MARCHF10: variants seen among roughly 807,000 people sequenced by gnomAD.
MARCHF10 encodes membrane associated ring-CH-type finger 10.
In MARCHF10, 64 loss-of-function variants were observed where a neutral mutation model predicts 76.2. That is an observed-to-expected ratio of 0.84 (90% CI 0.69 to 1.03). The LOEUF (loss-of-function observed/expected upper bound fraction) is 1.03, where lower values mean the gene tolerates loss of function less well. MARCHF10 is among the 50% of genes least tolerant of loss of function. MARCHF10 has a pLI of 0.00. For missense variants in MARCHF10, 875 were observed against 958.0 expected (o/e 0.91, Z 1.14); for synonymous variants, 340 against 357.5 (o/e 0.95, Z 0.55).
At chr17:62,804,819 CAT>C (rs1491269795) in intron 1 of MARCHF10, 5 of 152,158 alleles carry the variant, frequency 3.3e-5, no homozygotes, top group Non-Finnish European at 4.4e-5. Context: ...CACACACACA[CAT>C]ATTTTTTACA....
intron 6 of MARCHF10, among the ~76,000 whole-genome samples, chr17:62,728,576 G>A (rs986182489): frequency 2.0e-4 from 31 of 152,126 alleles, no homozygotes; most frequent in African/African-American, 7.5e-4. Flanking sequence ...GAAATGAATT[G>A]TTTAACGAAG....
chr17:62,739,934 T>G (rs1456733824), intron 5 of MARCHF10, among the ~76,000 whole-genome samples: 1 of 152,070 alleles, frequency 6.6e-6, no homozygotes, highest in African/African-American at 2.4e-5. Flanking sequence ...ACAGAAGAAG[T>G]CCCAGGGTAT....
intron 8 of MARCHF10, among the ~76,000 whole-genome samples, chr17:62,721,353 A>C (rs1469988149): frequency 7.1e-6 from 1 of 140,750 alleles, no homozygotes. Flanking sequence ...ATTAGGTGAT[A>C]TATTACCCCC....
intron 10 of MARCHF10, chr17:62,705,128 CT>C (rs2089496392): frequency 8.8e-7 from 1 of 1,137,714 alleles, no homozygotes; most frequent in African/African-American, 1.7e-5. Context: ...AATGTGGTCC[CT>C]TCAGGTAAGG....
chr17:62,745,215 T>C (rs568221040), intron 4 of MARCHF10, among the ~76,000 whole-genome samples: 1 of 151,252 alleles, frequency 6.6e-6, no homozygotes, highest in Non-Finnish European at 1.5e-5. Context: ...GCGATTCTCC[T>C]GCCTCAGCCT....
In MARCHF10 at chr17:62,711,374, C is replaced by A; in HGVS notation, c.2215-30G>T. On this transcript the variant is annotated intron_variant, in intron 8 of 10. Transcript: ENST00000311269. The surrounding 1 kb of genome is among the most constrained non-coding windows in gnomAD (Gnocchi z 4.4). ...AAATGGAAAAGAAAGCTCTTCAGTT[C>A]ATCTGTAAAATAGTCATGGTCTAAA... 6.3e-7 allele frequency: 1 copy of A among 1,598,714 alleles called. No homozygotes were observed. Among genetic ancestry groups the A allele is most frequent in the Non-Finnish European group, 8.6e-7 (1 of 1,166,206 alleles).
intron 1 of MARCHF10, among the ~76,000 whole-genome samples, chr17:62,805,831 G>C (rs1375083998): frequency 6.6e-6 from 1 of 151,890 alleles, no homozygotes; most frequent in African/African-American, 2.4e-5. Flanking sequence ...AGAATCACTT[G>C]AACCTGGAAG....
chr17:62,719,626 TG>T (rs1173573037), intron 8 of MARCHF10, among the ~76,000 whole-genome samples: 1 of 152,168 alleles, frequency 6.6e-6, no homozygotes, highest in Non-Finnish European at 1.5e-5. Context: ...GTTTTTTGTT[TG>T]TTTTGTTTTG....
chr17:62,753,575 C>A (rs2091958619), intron 4 of MARCHF10, among the ~76,000 whole-genome samples: 1 of 152,194 alleles, frequency 6.6e-6, no homozygotes, highest in South Asian at 2.1e-4. Context: ...GAGCACAAGG[C>A]CCTAGATTAT....
intron 4 of MARCHF10, among the ~76,000 whole-genome samples, chr17:62,755,982 C>T (rs1251253771): frequency 1.3e-5 from 2 of 151,954 alleles, no homozygotes; most frequent in East Asian, 3.9e-4. Context: ...GGTGTGGTGG[C>T]TCATGCCTGT....
intron 3 of MARCHF10, among the ~76,000 whole-genome samples, chr17:62,770,284 A>C (rs1268645465): frequency 1.3e-5 from 2 of 152,184 alleles, no homozygotes; most frequent in Non-Finnish European, 2.9e-5. Flanking sequence ...AGGCACCTAC[A>C]CTGATTCCAT....
At chr17:62,792,131 AC>A (rs2092854776) in intron 2 of MARCHF10, among the ~76,000 whole-genome samples, 1 of 149,430 alleles carries the variant, frequency 6.7e-6, no homozygotes, top group Non-Finnish European at 1.5e-5. Flanking sequence ...TTGACCCCCC[AC>A]CCCCCTAGTG....
chr17:62,755,797 C>T (rs2092022038), intron 4 of MARCHF10, among the ~76,000 whole-genome samples: 1 of 152,170 alleles, frequency 6.6e-6, no homozygotes, highest in African/African-American at 2.4e-5. Context: ...GTTGTACCTG[C>T]ATTTATGTTA....
At chr17:62,770,767 C>A (rs2092429129) in intron 3 of MARCHF10, among the ~76,000 whole-genome samples, 1 of 151,886 alleles carries the variant, frequency 6.6e-6, no homozygotes, top group Non-Finnish European at 1.5e-5. Context: ...TCTCAAACTC[C>A]TGACCTCAGG....
intron 5 of MARCHF10, among the ~76,000 whole-genome samples, chr17:62,740,865 C>A (rs966113624): frequency 6.6e-6 from 1 of 152,104 alleles, no homozygotes; most frequent in Non-Finnish European, 1.5e-5. Flanking sequence ...TGGCTTCAAG[C>A]AATCCTCCTG....
chr17:62,730,526 C>T (rs929562416), intron 6 of MARCHF10, among the ~76,000 whole-genome samples: 2 of 152,194 alleles, frequency 1.3e-5, no homozygotes, highest in Non-Finnish European at 2.9e-5. Context: ...TTTAAAACCT[C>T]ATTTAGTTGT....
At position 62,759,908 on chromosome 17, in the gene MARCHF10, T is replaced by A. The variant is rs146472679; in HGVS notation, c.309A>T (p.Ser103=). 1.2e-6 allele frequency: 2 copies of A among 1,614,156 alleles called. No individual in the cohort carries two copies. The highest frequency in any genetic ancestry group is 1.7e-6 in the Non-Finnish European group (2 of 1,180,030). Residue 103 remains serine (S), a synonymous_variant, in exon 4 of 11, where the codon TCA becomes TCT. Transcript: ENST00000311269. The part of the protein sequence containing the change: ...DSKLPAIDQT[S]VKQKHKSTMT... ...TGGTACTTTTATGTTTCTGCTTGACTGATGTTTGGTCAATTGCTGGAAGTT... is the reference window on the plus strand; with the variant it reads ...TGGTACTTTTATGTTTCTGCTTGACAGATGTTTGGTCAATTGCTGGAAGTT...
intron 7 of MARCHF10, among the ~76,000 whole-genome samples, chr17:62,724,310 T>C (rs2090646731): frequency 6.6e-6 from 1 of 152,014 alleles, no homozygotes. Flanking sequence ...GGTTATAACC[T>C]GCTCAGGGAG....
At chr17:62,701,973 GC>G (rs898929985) in intron 10 of MARCHF10, among the ~76,000 whole-genome samples, 11 of 152,160 alleles carry the variant, frequency 7.2e-5, no homozygotes, top group African/African-American at 2.7e-4. Flanking sequence ...AGCCACACCA[GC>G]TTCCCCCAAA....
Sources: gnomAD v4.1 joint callset for allele counts (sites outside exome capture counted in the v4.1 genomes callset) on GRCh38, gnomAD v4.1.1 for gene constraint, Gnocchi (gnomAD v3.1) non-coding constraint, MANE v1.5 for transcripts, NCBI Gene and HGNC (gene_info 2026-07-23, HGNC 2026-07-21) for gene names.